Variants in SBF2 observed in about 807,000 individuals in gnomAD.
SBF2 encodes the protein myotubularin-related protein 13.
In SBF2, 112 loss-of-function variants were observed where a neutral mutation model predicts 225.2. That is an observed-to-expected ratio of 0.50 (90% CI 0.43 to 0.58). The LOEUF is 0.58. Among genes scored for constraint, SBF2 ranks in the 20% least tolerant of loss-of-function variants. SBF2 has a pLI of 0.00. For synonymous variants in SBF2, 763 were observed against 773.3 expected, an observed-to-expected ratio of 0.99 and a Z score of 0.22; for missense variants, 1,996 against 2,206.2, an observed-to-expected ratio of 0.90 and a Z score of 1.91.
rs186233682 is a variant in SBF2, at chr11:10,003,188, T to C, written c.620-499A>G. Among the ~76,000 whole-genome samples, 58 of 152,342 alleles carry C rather than the reference T, an allele frequency of 3.8e-4. 1 individual carries two copies. The highest frequency in any genetic ancestry group is 2.7e-3 in the South Asian group (13 of 4,826). ...ACGTCCTAATAAACCCATTGTAAAG[T>C]TGAAAAATCTTAAATTGAACATAAA... is the stretch of plus-strand genomic sequence containing the variant. On this transcript the variant is annotated intron_variant, in intron 6 of 39. Transcript: ENST00000256190.
intron 16 of SBF2, among the ~76,000 whole-genome samples, chr11:9,902,543 C>G (rs556635023): frequency 6.6e-6 from 1 of 152,274 alleles, no homozygotes; most frequent in South Asian, 2.1e-4. Flanking sequence ...GTGGTCACTC[C>G]TAGTGGCTCA....
At chr11:10,093,510 G>A (rs990242767) in intron 2 of SBF2, among the ~76,000 whole-genome samples, 3 of 151,728 alleles carry the variant, frequency 2.0e-5, no homozygotes, top group African/African-American at 7.3e-5. Flanking sequence ...AGACATCCTT[G>A]GTAATACCAG....
chr11:10,275,619 AT>A (rs1232482797), intron 1 of SBF2, among the ~76,000 whole-genome samples: 9 of 151,610 alleles, frequency 5.9e-5, no homozygotes, highest in Non-Finnish European at 8.8e-5. Flanking sequence ...TCTTTCATTA[AT>A]TTAAAAAAAA....
At chr11:9,828,367 A>G (rs919109320) in intron 28 of SBF2, 1 of 1,158,506 alleles carries the variant, frequency 8.6e-7, no homozygotes, top group Non-Finnish European at 1.1e-6. Flanking sequence ...AGAGATAACA[A>G]GGCAATGTTA....
At chr11:9,834,791 A>T (rs1310289112) in intron 26 of SBF2, among the ~76,000 whole-genome samples, 1 of 152,210 alleles carries the variant, frequency 6.6e-6, no homozygotes, top group Admixed American at 6.5e-5. Flanking sequence ...TGTGTATTAG[A>T]CAGGGAAATA....
At chr11:10,240,357 TA>T (rs748796298) in intron 1 of SBF2, among the ~76,000 whole-genome samples, 111 of 150,014 alleles carry the variant, frequency 7.4e-4, no homozygotes, top group Middle Eastern at 7.0e-3. Context: ...ATTTTCAAAA[TA>T]AATTTATAGG....
At chr11:10,001,432 C>T (rs1481137287) in intron 7 of SBF2, among the ~76,000 whole-genome samples, 1 of 151,244 alleles carries the variant, frequency 6.6e-6, no homozygotes, top group African/African-American at 2.4e-5. Flanking sequence ...ACTTTCTATA[C>T]TTGATTTTTG....
chr11:9,912,501 G>A (rs1157865584), intron 16 of SBF2, among the ~76,000 whole-genome samples: 1 of 152,122 alleles, frequency 6.6e-6, no homozygotes, highest in African/African-American at 2.4e-5. Context: ...AGAATAGCTT[G>A]AACCTGGGAT....
rs141274262 is a variant in SBF2 at position 9,964,272 on chromosome 11, T to C, written c.1601-390A>G. On this transcript the variant is annotated intron_variant, in intron 14 of 39. Transcript: ENST00000256190. Reference sequence around the variant, plus strand: ...CTTATTAGAAAACAAACAAAAACTGTTGATATGACCTACACCTTATTTTTT... The same window carrying C: ...CTTATTAGAAAACAAACAAAAACTGCTGATATGACCTACACCTTATTTTTT... Among the ~76,000 whole-genome samples the C allele has an allele frequency of 1.8e-4, 27 of 152,170 alleles. No homozygotes were observed. In the East Asian group the frequency reaches 4.6e-3, roughly 26 times the overall value.
At chr11:9,883,932 T>C (rs1328088135) in intron 17 of SBF2, among the ~76,000 whole-genome samples, 1 of 152,196 alleles carries the variant, frequency 6.6e-6, no homozygotes, top group Non-Finnish European at 1.5e-5. Context: ...AACCAGTGTC[T>C]ACTGGTGAAG....
intron 2 of SBF2, among the ~76,000 whole-genome samples, chr11:10,161,190 A>G (rs1257301688): frequency 6.6e-6 from 1 of 150,938 alleles, no homozygotes; most frequent in Non-Finnish European, 1.5e-5. Context: ...GTCTCAAAAA[A>G]AAAAAAAAAA....
At chr11:9,970,311 A>AT (rs1867246492) in intron 13 of SBF2, among the ~76,000 whole-genome samples, 1 of 151,426 alleles carries the variant, frequency 6.6e-6, no homozygotes, top group South Asian at 2.1e-4. Context: ...GGTTCACACC[A>AT]TTCTCCTGCC....
chr11:10,130,363 G>GAA (rs59879686), intron 2 of SBF2, among the ~76,000 whole-genome samples: 1 of 134,886 alleles, frequency 7.4e-6, no homozygotes, highest in African/African-American at 2.8e-5. Flanking sequence ...CACCATCTCA[G>GAA]AAAAAAAAAA....
At chr11:10,094,106 G>A (rs753593351) in intron 2 of SBF2, among the ~76,000 whole-genome samples, 1 of 152,180 alleles carries the variant, frequency 6.6e-6, no homozygotes, top group Non-Finnish European at 1.5e-5. Flanking sequence ...CAAGGCAGGT[G>A]GATCACCTAA....
At chr11:10,161,088 G>T (rs1217458273) in intron 2 of SBF2, among the ~76,000 whole-genome samples, 1 of 149,706 alleles carries the variant, frequency 6.7e-6, no homozygotes, top group Non-Finnish European at 1.5e-5. Context: ...TCAGGAGTAA[G>T]GCAGGAGAAT....
chr11:10,135,357 G>A (rs946591649), intron 2 of SBF2, among the ~76,000 whole-genome samples: 1 of 152,294 alleles, frequency 6.6e-6, no homozygotes, highest in South Asian at 2.1e-4. Context: ...GACCTTTTCC[G>A]CATGGCCTTG....
intron 27 of SBF2, among the ~76,000 whole-genome samples, chr11:9,830,613 G>A (rs11042505): frequency 0.21 from 31,118 of 151,470 alleles, 3,502 homozygotes; most frequent in Non-Finnish European, 0.25. Context: ...AGTGGCGGGC[G>A]CCTGTAATCC....
chr11:10,288,634 CAT>C (rs1159045332), intron 1 of SBF2, among the ~76,000 whole-genome samples: 1 of 152,122 alleles, frequency 6.6e-6, no homozygotes, highest in Non-Finnish European at 1.5e-5. Context: ...CAGATTGTCC[CAT>C]CATCTCTTCA....
chr11:10,171,385 C>T (rs540891923), intron 2 of SBF2, among the ~76,000 whole-genome samples: 108 of 152,262 alleles, frequency 7.1e-4, no homozygotes, highest in African/African-American at 2.5e-3. Flanking sequence ...TTTTCAGCAT[C>T]AATTAAAATG....
Sources: allele counts gnomAD v4.1 joint callset (sites outside exome capture counted in the v4.1 genomes callset), GRCh38; gene constraint gnomAD v4.1.1; transcripts MANE v1.5; gene names NCBI Gene and HGNC (gene_info 2026-07-23, HGNC 2026-07-21).